Variants in NXPE2 observed in about 807,000 individuals in gnomAD.
The protein encoded by NXPE2 is NXPE family member 2.
A neutral mutation model predicts 34.4 loss-of-function variants in NXPE2; 34 were observed. The ratio of observed to expected loss-of-function variants is 0.99; its 90% CI spans 0.75 to 1.31. The LOEUF is 1.31. NXPE2 is among the 40% of genes most tolerant of loss of function. The pLI, the probability that NXPE2 is intolerant of heterozygous loss-of-function variation, is 0.00. For synonymous variants in NXPE2, 235 were observed against 231.3 expected (o/e 1.02, Z -0.15); for missense variants, 649 against 672.5 (o/e 0.97, Z 0.39).
chr11:114,706,192 A>G (rs1951469556), intron 5 of NXPE2, among the ~76,000 whole-genome samples, 196 bp downstream of exon 5: 1 of 151,820 alleles, frequency 6.6e-6, no homozygotes, highest in Admixed American at 6.6e-5. Flanking sequence ...AAATGTTAAT[A>G]TTTTTCTTCC....
chr11:114,803,259 G>C, the NXPE2 span, among the ~76,000 whole-genome samples: 2 of 152,214 alleles, frequency 1.3e-5, no homozygotes, highest in African/African-American at 2.4e-5. Context: ...CACTTCAGGG[G>C]ACTAAGAAAA....
the NXPE2 span, among the ~76,000 whole-genome samples, chr11:114,769,917 A>G: frequency 7.2e-5 from 11 of 152,316 alleles, no homozygotes; most frequent in South Asian, 2.1e-4. Context: ...CTATGTAACA[A>G]ACCTGCACGT....
At chr11:114,805,634 T>C in the NXPE2 span, among the ~76,000 whole-genome samples, 24 of 151,848 alleles carry the variant, frequency 1.6e-4, no homozygotes, top group East Asian at 4.1e-3. Flanking sequence ...GGCAGCGAGG[T>C]TGGGGGAGGG....
chr11:114,704,141 A>G, intron 4 of NXPE2, 89 bp downstream of exon 4: 1 of 942,020 alleles, frequency 1.1e-6, no homozygotes, highest in Non-Finnish European at 1.6e-6. Context: ...CACATTAACG[A>G]TTTGATCTCT....
the NXPE2 span, among the ~76,000 whole-genome samples, chr11:114,497,388 C>T: frequency 6.6e-6 from 1 of 152,224 alleles, no homozygotes; most frequent in Non-Finnish European, 1.5e-5. Context: ...TCACCACTCA[C>T]TGACTCAGTC....
At chr11:114,627,551 G>A in the NXPE2 span, among the ~76,000 whole-genome samples, 1 of 150,784 alleles carries the variant, frequency 6.6e-6, no homozygotes, top group Non-Finnish European at 1.5e-5. Flanking sequence ...ACCGGTACCA[G>A]CCACTGCAAA....
chr11:114,627,665 A>AC, the NXPE2 span, among the ~76,000 whole-genome samples: 1 of 151,876 alleles, frequency 6.6e-6, no homozygotes, highest in Non-Finnish European at 1.5e-5. Flanking sequence ...ATTCACACAT[A>AC]ACAATATTAA....
the NXPE2 span, among the ~76,000 whole-genome samples, chr11:114,769,792 A>G: frequency 6.6e-6 from 1 of 152,146 alleles, no homozygotes; most frequent in African/African-American, 2.4e-5. Context: ...GGAGGGGAAC[A>G]TCACCCTCTG....
the NXPE2 span, among the ~76,000 whole-genome samples, chr11:114,465,615 A>G: frequency 6.6e-6 from 1 of 152,082 alleles, no homozygotes; most frequent in African/African-American, 2.4e-5. Context: ...AAATGTGTTT[A>G]CCCATGTGTT....
At chr11:114,522,241 A>G in the NXPE2 span, 1 of 1,614,114 alleles carries the variant, frequency 6.2e-7, no homozygotes, top group Non-Finnish European at 8.5e-7. Flanking sequence ...TAGCCTTTTG[A>G]ACACCGATGG....
chr11:114,564,053 C>A, the NXPE2 span, among the ~76,000 whole-genome samples: 1 of 152,044 alleles, frequency 6.6e-6, no homozygotes, highest in Admixed American at 6.6e-5. Flanking sequence ...GGAACCAGCC[C>A]AAATGCCCAT....
the NXPE2 span, among the ~76,000 whole-genome samples, chr11:114,625,699 G>A: frequency 9.9e-5 from 15 of 152,156 alleles, no homozygotes; most frequent in Admixed American, 1.3e-4. Context: ...GAACAGCCCC[G>A]GTCTACAGCT....
the NXPE2 span, among the ~76,000 whole-genome samples, chr11:114,656,910 G>A: frequency 6.6e-6 from 1 of 152,156 alleles, no homozygotes; most frequent in Admixed American, 6.5e-5. Context: ...GGCTAACACG[G>A]TGAAACCCCG....
At chr11:114,805,454 C>A in the NXPE2 span, among the ~76,000 whole-genome samples, 1 of 152,206 alleles carries the variant, frequency 6.6e-6, no homozygotes, top group Non-Finnish European at 1.5e-5. Context: ...AAAGGGGTGA[C>A]AGACACCACC....
At chr11:114,522,515 A>G in the NXPE2 span, 1 of 1,561,198 alleles carries the variant, frequency 6.4e-7, no homozygotes, top group Non-Finnish European at 8.7e-7. Flanking sequence ...TGATAAAAAA[A>G]CAAATAGATG....
chr11:114,515,016 A>G, the NXPE2 span, among the ~76,000 whole-genome samples: 3 of 151,978 alleles, frequency 2.0e-5, no homozygotes, highest in Admixed American at 1.3e-4. Flanking sequence ...TATTTGCAAC[A>G]TTTCTGTATT....
chr11:114,479,817 A>G, the NXPE2 span, among the ~76,000 whole-genome samples: 1 of 152,184 alleles, frequency 6.6e-6, no homozygotes, highest in Non-Finnish European at 1.5e-5. Flanking sequence ...TGAGTAATTT[A>G]TAAAGAAAAG....
At chr11:114,530,540 C>T in the NXPE2 span, 1 of 1,614,014 alleles carries the variant, frequency 6.2e-7, no homozygotes, top group Non-Finnish European at 8.5e-7. Context: ...TGAAGTCCAT[C>T]ACCTTTCCTG....
In NXPE2 at chr11:114,698,324, C is replaced by A. The variant is rs1317464776; in HGVS notation, c.412C>A (p.His138Asn). 6.2e-7 allele frequency: 1 copy of A among 1,613,960 alleles called. No individual in the cohort carries two copies. The highest frequency in any genetic ancestry group is 1.7e-5 in the Admixed American group (1 of 60,008). The part of the protein sequence containing the change: ...QLDILLEVRD[H>N]LGHRKQYGGD... ...GGACATCCTTCTGGAGGTGAGGGAC[C>A]ACTTGGGACACAGGAAGCAATATGG... Residue 138 changes from histidine (H) to asparagine (N), a missense_variant, in exon 3 of 6, where the codon CAC (histidine) becomes AAC (asparagine). Physicochemically the swap from His to Asn is moderately conservative, Grantham distance 68 (BLOSUM62 1). Transcript: ENST00000389586.
Sources: gnomAD v4.1 joint callset for allele counts (sites outside exome capture counted in the v4.1 genomes callset) on GRCh38, gnomAD v4.1.1 for gene constraint, MANE v1.5 for transcripts, NCBI Gene and HGNC (gene_info 2026-07-23, HGNC 2026-07-21) for gene names.